Variants in NALCN observed in about 807,000 individuals in gnomAD.
NALCN encodes sodium leak channel, non-selective, also known as sodium leak channel NALCN.
A neutral mutation model predicts 225.3 loss-of-function variants in NALCN; 111 were observed. The ratio of observed to expected loss-of-function variants is 0.49; its 90% CI spans 0.42 to 0.58. NALCN has a LOEUF of 0.58. NALCN is among the 20% of genes least tolerant of loss of function. The probability of loss-of-function intolerance (pLI) is 0.00; values close to 1 mark genes in which losing one functional copy is unlikely to be tolerated. For synonymous variants in NALCN, 764 were observed against 769.0 expected (o/e 0.99, Z 0.11); for missense variants, 1,378 against 2,202.4 (o/e 0.63, Z 7.49).
rs2034987913 is a variant in NALCN at position 101,104,398 on chromosome 13, A to G, written c.2786T>C (p.Met929Thr). Residue 929 changes from methionine to threonine, a missense_variant, in exon 25 of 44, where the codon ATG (methionine) becomes ACG (threonine). Met to Thr is a moderately conservative substitution (Grantham distance 81). This residue lies in a region of NALCN where 292 missense variants were observed against 409.5 expected (regional missense o/e 0.71). Coordinates refer to ENST00000251127, the MANE Select transcript of NALCN (RefSeq NM_052867.4). The surrounding 1 kb of genome is among the most constrained non-coding windows in gnomAD (Gnocchi z 4.2). Reference protein sequence around the residue: ...QIAEYVFVIFMSIELNLKIMA... With the variant: ...QIAEYVFVIFTSIELNLKIMA... The stretch of plus-strand genomic sequence containing the variant: ...AATCTTCAGATTAAGCTCAATGCTC[A>G]TGAATATCACAAACACATACTCAGC... 6.2e-7 allele frequency: 1 copy of G among 1,613,768 alleles called. No individual in the cohort carries two copies. The highest frequency in any genetic ancestry group is 2.2e-5 in the East Asian group (1 of 44,878).
intron 10 of NALCN, 72 bp from the exon 11 acceptor site, chr13:101,258,646 T>C (rs1176384159): frequency 6.3e-7 from 1 of 1,594,034 alleles, no homozygotes; most frequent in African/African-American, 1.3e-5. Context: ...GACTTAGTCC[T>C]TGGCTGACAG....
chr13:101,199,362 T>C (rs139512920), intron 13 of NALCN, among the ~76,000 whole-genome samples: 6,226 of 151,656 alleles, frequency 0.041, 412 homozygotes, highest in African/African-American at 0.14. Context: ...ATGTTTACTG[T>C]GGCACTATTC....
intron 13 of NALCN, among the ~76,000 whole-genome samples, chr13:101,206,987 A>AG (rs2040339523): frequency 6.6e-6 from 1 of 152,132 alleles, no homozygotes; most frequent in Admixed American, 6.6e-5. Flanking sequence ...AAATTTACTT[A>AG]GTCATTCTAC....
At chr13:101,213,698 C>A (rs1299983188) in intron 13 of NALCN, among the ~76,000 whole-genome samples, 1 of 152,166 alleles carries the variant, frequency 6.6e-6, no homozygotes, top group Non-Finnish European at 1.5e-5. Context: ...AAAAAATGCT[C>A]ATCATCACTG....
chr13:101,266,822 G>T (rs778423790), intron 10 of NALCN, among the ~76,000 whole-genome samples: 10 of 152,162 alleles, frequency 6.6e-5, no homozygotes, highest in Non-Finnish European at 1.2e-4. Context: ...GACATCTTTT[G>T]CTTCCCTTAT....
chr13:101,143,304 G>A (rs2037186588), intron 16 of NALCN, 83 bp from the exon 17 acceptor site: 7 of 1,396,630 alleles, frequency 5.0e-6, no homozygotes, highest in Non-Finnish European at 5.8e-6. Flanking sequence ...GAGTTTGCTT[G>A]AGCAAAGATA....
intron 20 of NALCN, among the ~76,000 whole-genome samples, chr13:101,109,100 A>G (rs1198694723): frequency 6.6e-6 from 1 of 152,160 alleles, no homozygotes; most frequent in South Asian, 2.1e-4. Context: ...TTTGATTCTT[A>G]AGTAGGTTGT....
chr13:101,388,201 T>C (rs993181455), intron 3 of NALCN, among the ~76,000 whole-genome samples: 2 of 152,202 alleles, frequency 1.3e-5, no homozygotes, highest in Non-Finnish European at 2.9e-5. Context: ...GATAAACAGA[T>C]TTCATATTTA....
intron 34 of NALCN, among the ~76,000 whole-genome samples, chr13:101,077,728 A>G (rs1474772949): frequency 6.6e-6 from 1 of 152,214 alleles, no homozygotes; most frequent in Non-Finnish European, 1.5e-5. Context: ...CTTATTTACT[A>G]GGGAGAAATT....
chr13:101,270,687 A>G (rs1454314663), intron 10 of NALCN, among the ~76,000 whole-genome samples: 1 of 152,216 alleles, frequency 6.6e-6, no homozygotes, highest in Non-Finnish European at 1.5e-5. Flanking sequence ...TACATTTTAG[A>G]TTATGTCTAA....
At chr13:101,340,290 C>T (rs1490666138) in intron 7 of NALCN, among the ~76,000 whole-genome samples, 1 of 149,734 alleles carries the variant, frequency 6.7e-6, no homozygotes, top group African/African-American at 2.4e-5. Flanking sequence ...AAACAAAAAA[C>T]ACCGTGCCCC....
intron 11 of NALCN, among the ~76,000 whole-genome samples, chr13:101,247,491 C>A: frequency 6.6e-6 from 1 of 151,736 alleles, no homozygotes. Context: ...ATCTCCCAAG[C>A]CAAATGAGGC....
At chr13:101,114,821 G>A (rs971937085) in intron 18 of NALCN, among the ~76,000 whole-genome samples, 2 of 152,178 alleles carry the variant, frequency 1.3e-5, no homozygotes, top group Admixed American at 6.5e-5. Flanking sequence ...AGCCTAACGA[G>A]CAGCATGGCT....
intron 36 of NALCN, 94 bp from the exon 37 acceptor site, chr13:101,073,771 G>A (rs747483678): frequency 1.9e-6 from 2 of 1,069,182 alleles, no homozygotes; most frequent in Non-Finnish European, 2.7e-6. Context: ...AGTGGAGGTT[G>A]TAGCAAATTT....
At chr13:101,369,618 G>T in intron 6 of NALCN, among the ~76,000 whole-genome samples, 1 of 152,184 alleles carries the variant, frequency 6.6e-6, no homozygotes, top group Admixed American at 6.5e-5. Context: ...TAATAAAACG[G>T]TAATTTGAAG....
chr13:101,338,593 T>C (rs145998302), intron 7 of NALCN, among the ~76,000 whole-genome samples: 8 of 152,320 alleles, frequency 5.3e-5, no homozygotes, highest in South Asian at 2.1e-4. Flanking sequence ...TAAAAGGTCA[T>C]GACAAGGAAT....
chr13:101,381,034 T>G (rs947167923), intron 3 of NALCN, among the ~76,000 whole-genome samples: 1 of 152,142 alleles, frequency 6.6e-6, no homozygotes, highest in African/African-American at 2.4e-5. Flanking sequence ...ATGGGGAGTT[T>G]AGAGAAACCA....
chr13:101,139,593 A>G (rs1468181190), intron 17 of NALCN, among the ~76,000 whole-genome samples: 1 of 141,116 alleles, frequency 7.1e-6, no homozygotes, highest in Non-Finnish European at 1.5e-5. Context: ...CAATTTGCAG[A>G]GGGCTGGGTG....
chr13:101,110,552 T>C (rs1162105460), intron 20 of NALCN, 67 bp downstream of exon 20: 3 of 1,538,492 alleles, frequency 1.9e-6, no homozygotes, highest in Non-Finnish European at 2.7e-6. Context: ...GGGCATTGTC[T>C]AAGCAGTCAT....
Sources: allele counts gnomAD v4.1 joint callset (sites outside exome capture counted in the v4.1 genomes callset), GRCh38; gene constraint gnomAD v4.1.1; regional missense constraint gnomAD v4.1.1; non-coding constraint Gnocchi (gnomAD v3.1); transcripts MANE v1.5; gene names NCBI Gene and HGNC (gene_info 2026-07-23, HGNC 2026-07-21).